TLE4: variants seen among roughly 807,000 people sequenced by gnomAD.
TLE4 encodes the protein TLE family member 4, transcriptional corepressor.
TLE4 carries 8 observed loss-of-function variants against 92.8 expected under a neutral mutation model. That is an observed-to-expected ratio of 0.09 (90% confidence interval 0.05 to 0.16). The LOEUF (loss-of-function observed/expected upper bound fraction) is 0.16. Among genes scored for constraint, TLE4 ranks in the 10% least tolerant of loss-of-function variants. The pLI, the probability that TLE4 is intolerant of heterozygous loss-of-function variation, is 1.00. For missense variants in TLE4, 675 were observed against 997.6 expected, an observed-to-expected ratio of 0.68 and a Z score of 4.36; for synonymous variants, 371 against 374.1, an observed-to-expected ratio of 0.99 and a Z score of 0.10.
In TLE4 at chr9:79,595,849, C is replaced by CTTTTT. The variant is rs746656900; in HGVS notation, c.253-16794_253-16790dup. ...TTTGTTTTTCATTTTTTGCCATCTA[C>CTTTTT]TTTTTTTTTTTTTTTTTGAGACGGA... On this transcript the variant is annotated intron_variant, in intron 4 of 19. Transcript: ENST00000376552. 7.2e-3 allele frequency among the ~76,000 whole-genome samples: 997 copies of CTTTTT among 138,548 alleles called. 21 individuals are homozygous for CTTTTT. Among genetic ancestry groups the CTTTTT allele is most frequent in the African/African-American group, 0.025 (932 of 38,030 alleles). The allele number at this position is 138,548 out of a possible 152,430, so 90.9% of individuals were successfully genotyped here.
intron 4 of TLE4, among the ~76,000 whole-genome samples, chr9:79,593,796 A>G (rs2043262742): frequency 6.6e-6 from 1 of 152,224 alleles, no homozygotes; most frequent in South Asian, 2.1e-4. Context: ...AAAGGGTGAT[A>G]CATAAAATAC....
At chr9:79,625,180 C>T (rs1466677185) in intron 5 of TLE4, among the ~76,000 whole-genome samples, 3 of 150,644 alleles carry the variant, frequency 2.0e-5, no homozygotes, top group African/African-American at 4.9e-5. Context: ...CCACTACGCC[C>T]GGCTAATTTT....
chr9:79,658,770 G>A (rs1329315965), intron 8 of TLE4, among the ~76,000 whole-genome samples: 1 of 152,146 alleles, frequency 6.6e-6, no homozygotes, highest in Non-Finnish European at 1.5e-5. Flanking sequence ...GACTTTAGAA[G>A]TACATATTGT....
rs1162319758 is a variant in TLE4 at position 79,652,774 on chromosome 9, A to G, written c.572A>G (p.His191Arg). The G allele has an allele frequency of 1.9e-6, 3 of 1,614,200 alleles. No individual in the cohort carries two copies. The highest frequency in any genetic ancestry group is 2.2e-5 in the East Asian group (1 of 44,872). Residue 191 changes from histidine to arginine, a missense_variant, in exon 7 of 20, where the codon CAT becomes CGT. By Grantham distance (29) the His-to-Arg change is conservative. Transcript: ENST00000376552. ...CCAATTAAAGATGAGAAGAAGCACC[A>G]TGACAATGATCACCAAAGAGGTGAG... Reference protein sequence around the residue: ...HLPIKDEKKHHDNDHQRDRDS... With the variant: ...HLPIKDEKKHRDNDHQRDRDS...
chr9:79,604,658 G>A, intron 4 of TLE4, among the ~76,000 whole-genome samples: 1 of 152,104 alleles, frequency 6.6e-6, no homozygotes. Context: ...CTTTAGCCTC[G>A]CCTGAGAGGA....
At chr9:79,679,577 T>G (rs2064028837) in intron 8 of TLE4, among the ~76,000 whole-genome samples, 1 of 152,200 alleles carries the variant, frequency 6.6e-6, no homozygotes, top group Non-Finnish European at 1.5e-5. Flanking sequence ...GCCTGTTCAC[T>G]CTGATGGTAG....
intron 4 of TLE4, among the ~76,000 whole-genome samples, chr9:79,597,187 C>T (rs781211552): frequency 1.4e-4 from 22 of 152,150 alleles, no homozygotes; most frequent in Non-Finnish European, 1.9e-4. Flanking sequence ...GCTCTCACCA[C>T]GGTCACCATC....
intron 8 of TLE4, among the ~76,000 whole-genome samples, chr9:79,685,768 A>G (rs973688874): frequency 2.0e-5 from 3 of 152,216 alleles, no homozygotes; most frequent in Non-Finnish European, 4.4e-5. Flanking sequence ...GTAAGAGTGC[A>G]TGATTTTTGT....
chr9:79,719,038 CTG>C, intron 15 of TLE4, 67 bp downstream of exon 15: 2 of 1,553,590 alleles, frequency 1.3e-6, no homozygotes, highest in Non-Finnish European at 1.7e-6. Flanking sequence ...GATGAGAGAA[CTG>C]TATGTATGAG....
At chr9:79,643,472 A>G (rs1450665603) in intron 6 of TLE4, among the ~76,000 whole-genome samples, 2 of 152,226 alleles carry the variant, frequency 1.3e-5, no homozygotes, top group African/African-American at 2.4e-5. Flanking sequence ...CCAGGATTCA[A>G]TTCAAAAATT....
intron 4 of TLE4, among the ~76,000 whole-genome samples, chr9:79,590,259 G>A (rs549496956): frequency 6.6e-6 from 1 of 152,250 alleles, no homozygotes; most frequent in Admixed American, 6.5e-5. Context: ...GGTGAGCTAG[G>A]GGAAGACAAA....
chr9:79,672,007 T>C (rs1157666293), intron 8 of TLE4, among the ~76,000 whole-genome samples: 1 of 132,212 alleles, frequency 7.6e-6, no homozygotes, highest in East Asian at 2.2e-4. Flanking sequence ...TTTTTTTTTT[T>C]TTTTTTTTTT....
Position 79,705,951 on chromosome 9 carries a change from G to T in TLE4, c.783+9G>T. On this transcript the variant is annotated intron_variant, in intron 10 of 19. Coordinates refer to ENST00000376552, the MANE Select transcript of TLE4 (RefSeq NM_007005.6). ...TTGACGTTTCCAATGAGGTATGTTT[G>T]TGGCTACTTTAATTTTTTGCACTTG... 10 of 1,614,050 alleles carry T rather than the reference G, an allele frequency of 6.2e-6. No individual in the cohort carries two copies. Among genetic ancestry groups the T allele is most frequent in the Non-Finnish European group, 8.5e-6 (10 of 1,179,916 alleles).
At chr9:79,606,314 G>T (rs1446154012) in intron 4 of TLE4, among the ~76,000 whole-genome samples, 2 of 115,784 alleles carry the variant, frequency 1.7e-5, no homozygotes, top group East Asian at 5.6e-4. Context: ...AAATCTTTAA[G>T]CTTTATTCCA....
intron 14 of TLE4, among the ~76,000 whole-genome samples, chr9:79,710,761 T>C (rs1204285152): frequency 2.6e-5 from 4 of 152,188 alleles, no homozygotes; most frequent in Non-Finnish European, 5.9e-5. Context: ...TTCTTTCCTC[T>C]TCTACTACCT....
At position 79,632,017 on chromosome 9, in the gene TLE4, G is replaced by A. The variant is rs146651551; in HGVS notation, c.390+4569G>A. On this transcript the variant is annotated intron_variant, in intron 6 of 19. Coordinates refer to ENST00000376552, the MANE Select transcript of TLE4 (RefSeq NM_007005.6). ...CAAAAGTATTCTTCCTGGGCCCACC[G>A]TGTACCCCTCAGTTCCTTTCTCTCT... 3.4e-3 allele frequency among the ~76,000 whole-genome samples: 511 copies of A among 152,180 alleles called. 5 individuals carry two copies. The highest frequency in any genetic ancestry group is 8.5e-3 in the South Asian group (41 of 4,826).
chr9:79,583,223 T>C (rs1159631290), intron 4 of TLE4, among the ~76,000 whole-genome samples: 1 of 152,168 alleles, frequency 6.6e-6, no homozygotes. Context: ...CCAAAACTTA[T>C]CCCTGGAGAG....
At chr9:79,598,813 T>G (rs2044775000) in intron 4 of TLE4, among the ~76,000 whole-genome samples, 1 of 152,100 alleles carries the variant, frequency 6.6e-6, no homozygotes, top group South Asian at 2.1e-4. Context: ...ATGGCGTTTG[T>G]TATTGTGTTT....
chr9:79,713,464 G>A (rs895494835), intron 14 of TLE4, among the ~76,000 whole-genome samples: 5 of 152,296 alleles, frequency 3.3e-5, no homozygotes, highest in East Asian at 3.9e-4. Flanking sequence ...TGTGGTGTGT[G>A]TGTTCGTGTT....
Sources: gnomAD v4.1 joint callset for allele counts (sites outside exome capture counted in the v4.1 genomes callset) on GRCh38, gnomAD v4.1.1 for gene constraint, MANE v1.5 for transcripts, NCBI Gene and HGNC (gene_info 2026-07-23, HGNC 2026-07-21) for gene names.